The following MTNR1A variants were observed in gnomAD, a reference collection of about 807,000 sequenced individuals.
MTNR1A encodes melatonin receptor type 1A.
A neutral mutation model predicts 5.5 loss-of-function variants in MTNR1A; 7 were observed. The observed-to-expected ratio is 1.28, with a 90% confidence interval of 0.73 to 2.40. The LOEUF is 2.40. MTNR1A is among the 30% of genes most tolerant of loss of function. The pLI, the probability that MTNR1A is intolerant of heterozygous loss-of-function variation, is 0.00. For synonymous variants in MTNR1A, 196 were observed against 202.7 expected (o/e 0.97, Z 0.28); for missense variants, 441 against 464.4 (o/e 0.95, Z 0.46).
At chr4:186,541,238 C>A (rs1737017623) in intron 1 of MTNR1A, among the ~76,000 whole-genome samples, 1 of 152,150 alleles carries the variant, frequency 6.6e-6, no homozygotes, top group South Asian at 2.1e-4. Context: ...CAGTACAGCC[C>A]TGAAAAACAA....
intron 1 of MTNR1A, among the ~76,000 whole-genome samples, chr4:186,546,854 G>A (rs866177038): frequency 1.8e-4 from 20 of 110,936 alleles, no homozygotes; most frequent in African/African-American, 3.5e-4. Flanking sequence ...CACCCTGTTC[G>A]TGGGACACAC....
intron 1 of MTNR1A, among the ~76,000 whole-genome samples, chr4:186,549,274 GATTAC>G (rs1737219999): frequency 6.6e-6 from 1 of 152,116 alleles, no homozygotes; most frequent in South Asian, 2.1e-4. Context: ...ACTAATTACT[GATTAC>G]ACATTTTTAT....
chr4:186,547,895 C>T (rs967281424), intron 1 of MTNR1A, among the ~76,000 whole-genome samples: 1 of 152,184 alleles, frequency 6.6e-6, no homozygotes, highest in African/African-American at 2.4e-5. Context: ...TAATCCTGCT[C>T]ATTTTCTATG....
In MTNR1A at chr4:186,551,413, GT is replaced by G. The variant is rs1236034199; in HGVS notation, c.184+3768del. Among the ~76,000 whole-genome samples, 390 of 142,874 alleles carry G rather than the reference GT, an allele frequency of 2.7e-3. 2 individuals carry two copies. Among genetic ancestry groups the G allele is most frequent in the Admixed American group, 4.7e-3 (68 of 14,516 alleles). 93.7% of individuals were successfully genotyped at this position (142,874 alleles called of 152,430 possible). The stretch of plus-strand genomic sequence containing the variant: ...GTTTTCCAGTTCATATTGTCTACTT[GT>G]TTTTTTTTTTAAACATACACTTAAA... On this transcript the variant is annotated intron_variant, in intron 1 of 1. Coordinates refer to ENST00000307161, the MANE Select transcript of MTNR1A (RefSeq NM_005958.4).
intron 1 of MTNR1A, among the ~76,000 whole-genome samples, chr4:186,545,178 C>T (rs1375439225): frequency 2.6e-5 from 4 of 152,132 alleles, no homozygotes; most frequent in African/African-American, 4.8e-5. Context: ...AATAGACCTT[C>T]AGCTCTATGA....
At chr4:186,545,495 C>T (rs149506481) in intron 1 of MTNR1A, among the ~76,000 whole-genome samples, 163 of 152,256 alleles carry the variant, frequency 1.1e-3, no homozygotes, top group Middle Eastern at 6.8e-3. Flanking sequence ...ATTAGGTGCT[C>T]GGAAATAATT....
At chr4:186,541,523 C>G (rs1466415890) in intron 1 of MTNR1A, among the ~76,000 whole-genome samples, 1 of 152,044 alleles carries the variant, frequency 6.6e-6, no homozygotes, top group Non-Finnish European at 1.5e-5. Context: ...CCATTAGCCA[C>G]TGCTCTAGCT....
intron 1 of MTNR1A, among the ~76,000 whole-genome samples, chr4:186,540,283 T>C (rs1736981645): frequency 6.6e-6 from 1 of 152,222 alleles, no homozygotes; most frequent in African/African-American, 2.4e-5. Flanking sequence ...AGTCCCACAG[T>C]TGGCCCTGCA....
chr4:186,545,287 T>C (rs1737117355), intron 1 of MTNR1A, among the ~76,000 whole-genome samples: 1 of 152,058 alleles, frequency 6.6e-6, no homozygotes, highest in East Asian at 1.9e-4. Context: ...CCATACCGGG[T>C]AGGAGTTACA....
At chr4:186,544,113 T>G (rs1334592602) in intron 1 of MTNR1A, among the ~76,000 whole-genome samples, 2 of 152,112 alleles carry the variant, frequency 1.3e-5, no homozygotes, top group Non-Finnish European at 2.9e-5. Context: ...CCACCCCCAC[T>G]GGGTTCAAGC....
At chr4:186,536,411 G>T (rs895755211) in intron 1 of MTNR1A, among the ~76,000 whole-genome samples, 1 of 151,942 alleles carries the variant, frequency 6.6e-6, no homozygotes, top group Admixed American at 6.6e-5. Context: ...ACCAGAGCAC[G>T]CACAGACCAG....
intron 1 of MTNR1A, among the ~76,000 whole-genome samples, chr4:186,539,693 C>T (rs1736963102): frequency 6.6e-6 from 1 of 152,222 alleles, no homozygotes; most frequent in South Asian, 2.1e-4. Context: ...GACAGCAGCC[C>T]TCACCAGACT....
intron 1 of MTNR1A, among the ~76,000 whole-genome samples, chr4:186,538,721 T>C (rs1474796421): frequency 6.6e-6 from 1 of 152,206 alleles, no homozygotes; most frequent in African/African-American, 2.4e-5. Flanking sequence ...CAATTTTACT[T>C]CTTGGATTGA....
Position 186,542,401 on chromosome 4 carries a change from C to T in MTNR1A, c.185-7844G>A, listed in dbSNP as rs117868210. On this transcript the variant is annotated intron_variant, in intron 1 of 1. Transcript: ENST00000307161. Reference sequence around the variant, plus strand: ...CGTGATGGTATTCCTCATGGCGTTGCTTTTGACTAAGGAATTCCTCTGACA... The same window carrying T: ...CGTGATGGTATTCCTCATGGCGTTGTTTTTGACTAAGGAATTCCTCTGACA... Among the ~76,000 whole-genome samples the T allele has an allele frequency of 3.7e-4, 56 of 152,284 alleles. 1 individual carries two copies. In the East Asian group the frequency reaches 9.5e-3, roughly 26 times the overall value.
intron 1 of MTNR1A, among the ~76,000 whole-genome samples, chr4:186,544,344 T>C (rs1232676305): frequency 6.6e-6 from 1 of 152,198 alleles, no homozygotes; most frequent in African/African-American, 2.4e-5. Context: ...TGTAATGCTT[T>C]TTTATGCTAG....
chr4:186,536,300 C>T (rs867423938), intron 1 of MTNR1A, among the ~76,000 whole-genome samples: 13 of 151,082 alleles, frequency 8.6e-5, no homozygotes, highest in Non-Finnish European at 1.2e-4. Context: ...GAGCAGAGAT[C>T]GCGCCATTGC....
chr4:186,555,111 G>T lies in MTNR1A; in HGVS notation c.184+71C>A. ...TTAGGAAAAAGAACCAAGTGCTTGGGGAAGGCTGGCTGCCCGCGGAGAGGC... is the reference window on the plus strand; with the variant it reads ...TTAGGAAAAAGAACCAAGTGCTTGGTGAAGGCTGGCTGCCCGCGGAGAGGC... On this transcript the variant is annotated intron_variant, in intron 1 of 1. Transcript: ENST00000307161. This position sits in a 1 kb window ranked among gnomAD's most constrained non-coding sequence, Gnocchi z 4.1. 1 of 1,473,080 alleles carries T rather than the reference G, an allele frequency of 6.8e-7. No homozygotes were observed. The highest frequency in any genetic ancestry group is 9.3e-7 in the Non-Finnish European group (1 of 1,076,494). The allele number at this position is 1,473,080 out of a possible 1,614,324, so 91.3% of individuals were successfully genotyped here.
chr4:186,545,937 T>C (rs962108947), intron 1 of MTNR1A, among the ~76,000 whole-genome samples: 2 of 152,170 alleles, frequency 1.3e-5, no homozygotes, highest in African/African-American at 4.8e-5. Flanking sequence ...TTTAGATTCT[T>C]AAATGTAAAG....
intron 1 of MTNR1A, among the ~76,000 whole-genome samples, chr4:186,552,927 C>T (rs1283495884): frequency 1.3e-5 from 2 of 152,218 alleles, no homozygotes; most frequent in Admixed American, 6.5e-5. Flanking sequence ...CTGCAGCCTG[C>T]GTCGGCTGTG....
Sources: allele counts gnomAD v4.1 joint callset (sites outside exome capture counted in the v4.1 genomes callset), GRCh38; gene constraint gnomAD v4.1.1; non-coding constraint Gnocchi (gnomAD v3.1); transcripts MANE v1.5; gene names NCBI Gene and HGNC (gene_info 2026-07-23, HGNC 2026-07-21).